Variants in SLC35F4 observed in about 807,000 individuals in gnomAD.
SLC35F4 encodes chromosome 14 open reading frame 36.
In SLC35F4, 24 loss-of-function variants were observed where a neutral mutation model predicts 44.2. The observed-to-expected ratio is 0.54, with a 90% confidence interval of 0.39 to 0.76. The LOEUF is 0.76. Among genes scored for constraint, SLC35F4 ranks in the 30% least tolerant of loss-of-function variants. SLC35F4 has a pLI of 0.00. For synonymous variants in SLC35F4, 238 were observed against 223.6 expected (o/e 1.06, Z -0.57); for missense variants, 562 against 586.1 (o/e 0.96, Z 0.42).
chr14:57,778,876 G>A (rs2077554389), intron 1 of SLC35F4, among the ~76,000 whole-genome samples: 1 of 151,944 alleles, frequency 6.6e-6, no homozygotes, highest in African/African-American at 2.4e-5. Context: ...ATGACTTTTG[G>A]GTAAGTAATG....
chr14:57,854,916 T>C, intron 1 of SLC35F4, among the ~76,000 whole-genome samples: 1 of 152,254 alleles, frequency 6.6e-6, no homozygotes. Flanking sequence ...TTGGACAATT[T>C]ATACTTGTGT....
rs1426258167 is a variant in SLC35F4 at position 57,801,596 on chromosome 14, T to C, written c.103+64127A>G. Among the ~76,000 whole-genome samples, 7 of 151,976 alleles carry C rather than the reference T, an allele frequency of 4.6e-5. No individual in the cohort carries two copies. In the East Asian group the frequency reaches 5.8e-4, roughly 13 times the overall value. On this transcript the variant is annotated intron_variant, in intron 1 of 7. Transcript: ENST00000556826. The stretch of plus-strand genomic sequence containing the variant: ...GGATAGAGCCAAGACCCATCTCACA[T>C]GCAAAGACACACATAGGCTCAAAAT...
chr14:57,905,013 G>GTTTTTTTT (rs1889080040), intron 1 of SLC35F4, among the ~76,000 whole-genome samples: 2 of 152,148 alleles, frequency 1.3e-5, no homozygotes, highest in Non-Finnish European at 2.9e-5. Flanking sequence ...GTAACAATAA[G>GTTTTTTTT]AATAATTTTA....
At chr14:57,776,994 C>G (rs532875554) in intron 1 of SLC35F4, among the ~76,000 whole-genome samples, 8 of 152,320 alleles carry the variant, frequency 5.3e-5, no homozygotes, top group East Asian at 1.9e-4. Flanking sequence ...AAAAAACACA[C>G]TTAAGTACAC....
At chr14:57,634,170 G>A (rs759888915) in intron 1 of SLC35F4, among the ~76,000 whole-genome samples, 14 of 152,126 alleles carry the variant, frequency 9.2e-5, no homozygotes, top group Non-Finnish European at 1.8e-4. Context: ...AAAACGGGAA[G>A]CAAAGCCAGA....
intron 1 of SLC35F4, among the ~76,000 whole-genome samples, chr14:57,640,214 C>T (rs995396634): frequency 6.6e-6 from 1 of 151,932 alleles, no homozygotes; most frequent in Non-Finnish European, 1.5e-5. Context: ...TGTGTTCCAA[C>T]ATCTTGACTT....
chr14:57,851,952 G>T (rs752353867), intron 1 of SLC35F4, among the ~76,000 whole-genome samples: 5 of 152,154 alleles, frequency 3.3e-5, no homozygotes, highest in African/African-American at 2.4e-5. Context: ...TTGGAAAAAA[G>T]AAGCCTATTT....
At chr14:57,971,628 T>G (rs1374464427) in intron 1 of SLC35F4, among the ~76,000 whole-genome samples, 1 of 152,128 alleles carries the variant, frequency 6.6e-6, no homozygotes, top group Non-Finnish European at 1.5e-5. Flanking sequence ...AGTAAAATAA[T>G]CTAGACACAG....
chr14:57,580,820 G>T (rs188968378), intron 4 of SLC35F4, among the ~76,000 whole-genome samples: 1 of 152,176 alleles, frequency 6.6e-6, no homozygotes, highest in East Asian at 1.9e-4. Flanking sequence ...CTGGTGGGGG[G>T]AATGGGGGGT....
chr14:57,580,160 T>C (rs2069142517), intron 4 of SLC35F4, among the ~76,000 whole-genome samples: 1 of 152,226 alleles, frequency 6.6e-6, no homozygotes, highest in Non-Finnish European at 1.5e-5. Context: ...GCTTCATTTC[T>C]AAATTTCAGA....
At chr14:57,860,035 A>G (rs1319943318) in intron 1 of SLC35F4, among the ~76,000 whole-genome samples, 1 of 152,168 alleles carries the variant, frequency 6.6e-6, no homozygotes, top group Non-Finnish European at 1.5e-5. Context: ...AGACACACCA[A>G]AGATGGTAAT....
chr14:57,643,690 A>G (rs1430247141), intron 1 of SLC35F4, among the ~76,000 whole-genome samples: 2 of 152,106 alleles, frequency 1.3e-5, no homozygotes, highest in African/African-American at 2.4e-5. Flanking sequence ...TTATGTATAC[A>G]TGTGCCATGC....
intron 1 of SLC35F4, among the ~76,000 whole-genome samples, chr14:57,621,770 GTCTAAAACA>G (rs2140095150): frequency 6.6e-6 from 1 of 150,590 alleles, no homozygotes; most frequent in Admixed American, 6.6e-5. Context: ...AGGACTTCAT[GTCTAAAACA>G]CCAAAAGCAA....
intron 1 of SLC35F4, among the ~76,000 whole-genome samples, chr14:57,721,083 G>A (rs1288861594): frequency 1.4e-5 from 2 of 145,812 alleles, no homozygotes; most frequent in East Asian, 2.0e-4. Context: ...AGAACCATGA[G>A]TAATACAGAT....
chr14:57,898,435 A>C (rs1888930746), intron 1 of SLC35F4, among the ~76,000 whole-genome samples: 1 of 152,222 alleles, frequency 6.6e-6, no homozygotes, highest in Non-Finnish European at 1.5e-5. Context: ...TACCTTGGAA[A>C]TAGAAAGTTA....
intron 1 of SLC35F4, among the ~76,000 whole-genome samples, chr14:57,734,170 C>T (rs1262998939): frequency 2.6e-5 from 4 of 152,080 alleles, no homozygotes; most frequent in African/African-American, 9.7e-5. Context: ...AAACATTTCA[C>T]ATTATGGTAC....
chr14:57,672,598 A>C (rs978688059), intron 1 of SLC35F4, among the ~76,000 whole-genome samples: 2 of 152,136 alleles, frequency 1.3e-5, no homozygotes, highest in Non-Finnish European at 2.9e-5. Context: ...TAACTGTCCT[A>C]AAAAGTGAAA....
chr14:57,914,305 T>C (rs1889274438), intron 1 of SLC35F4, among the ~76,000 whole-genome samples: 1 of 152,212 alleles, frequency 6.6e-6, no homozygotes, highest in African/African-American at 2.4e-5. Context: ...GGCTCACGCC[T>C]GTAATCCCAG....
At chr14:57,913,632 C>A (rs1889259678) in intron 1 of SLC35F4, among the ~76,000 whole-genome samples, 1 of 152,062 alleles carries the variant, frequency 6.6e-6, no homozygotes, top group South Asian at 2.1e-4. Context: ...TCATTCATTT[C>A]ACTTATATTA....
Sources: allele counts gnomAD v4.1 joint callset (sites outside exome capture counted in the v4.1 genomes callset), GRCh38; gene constraint gnomAD v4.1.1; transcripts MANE v1.5; gene names NCBI Gene and HGNC (gene_info 2026-07-23, HGNC 2026-07-21).